Variants in LDLRAD4 observed in about 807,000 individuals in gnomAD.
The protein encoded by LDLRAD4 is low density lipoprotein receptor class A domain containing 4.
In LDLRAD4, 5 loss-of-function variants were observed where a neutral mutation model predicts 17.0. That is an observed-to-expected ratio of 0.29 (90% CI 0.15 to 0.62). The LOEUF (loss-of-function observed/expected upper bound fraction) is 0.62, where lower values mean the gene tolerates loss of function less well. Ranked by LOEUF, LDLRAD4 falls within the 20% of genes least tolerant of loss-of-function variation. LDLRAD4 has a pLI of 0.84. For synonymous variants in LDLRAD4, 168 were observed against 171.8 expected, an observed-to-expected ratio of 0.98 and a Z score of 0.17; for missense variants, 340 against 424.7, an observed-to-expected ratio of 0.80 and a Z score of 1.75.
chr18:13,620,911 C>G (rs1601758708), intron 3 of LDLRAD4: 1 of 664,226 alleles, frequency 1.5e-6, no homozygotes, highest in Admixed American at 2.6e-5. Flanking sequence ...TCCCGCTCCC[C>G]GCAGCTGGTT....
In LDLRAD4 at chr18:13,518,972, G is replaced by A. The variant is rs138785066; in HGVS notation, c.181+80588G>A. On this transcript the variant is annotated intron_variant, in intron 3 of 5. Coordinates refer to ENST00000359446, the Ensembl canonical transcript of LDLRAD4. ...GAGGATATAATTTTGTGAAGACTCA[G>A]CTTTCTTCAGCAGCAGTGTTCGTTG... 9.8e-5 allele frequency among the ~76,000 whole-genome samples: 15 copies of A among 152,326 alleles called. No homozygotes were observed. In the East Asian group the frequency reaches 2.9e-3, roughly 29 times the overall value.
At chr18:13,301,086 G>GT (rs111281176) in intron 1 of LDLRAD4, among the ~76,000 whole-genome samples, 1 of 151,924 alleles carries the variant, frequency 6.6e-6, no homozygotes, top group Non-Finnish European at 1.5e-5. Context: ...GTCCGTGGTT[G>GT]GGGGGGTACA....
intron 3 of LDLRAD4, among the ~76,000 whole-genome samples, chr18:13,580,347 C>T (rs1007904468): frequency 6.6e-6 from 1 of 152,222 alleles, no homozygotes; most frequent in African/African-American, 2.4e-5. Flanking sequence ...TGGCTTGTGA[C>T]CTTTTCGTCA....
chr18:13,229,122 G>A (rs1398968251), intron 1 of LDLRAD4, among the ~76,000 whole-genome samples: 1 of 152,252 alleles, frequency 6.6e-6, no homozygotes, highest in East Asian at 1.9e-4. Context: ...CGAGGAGGCA[G>A]CGTCCAGGCT....
intron 3 of LDLRAD4, among the ~76,000 whole-genome samples, chr18:13,556,423 T>C (rs2094484282): frequency 6.6e-6 from 1 of 152,210 alleles, no homozygotes; most frequent in Admixed American, 6.5e-5. Flanking sequence ...TAAGTCTCTT[T>C]AATTGTGTGA....
chr18:13,558,845 A>G (rs1344240345), intron 3 of LDLRAD4, among the ~76,000 whole-genome samples: 1 of 152,242 alleles, frequency 6.6e-6, no homozygotes, highest in Admixed American at 6.5e-5. Flanking sequence ...GGTGATCAAC[A>G]GTAAGCATTA....
chr18:13,568,403 C>G (rs6505828), intron 3 of LDLRAD4, among the ~76,000 whole-genome samples: 1 of 152,038 alleles, frequency 6.6e-6, no homozygotes. Flanking sequence ...CCCCACTCTC[C>G]CAGCACTTAG....
intron 3 of LDLRAD4, among the ~76,000 whole-genome samples, chr18:13,497,084 G>A (rs2093484404): frequency 6.6e-6 from 1 of 152,244 alleles, no homozygotes; most frequent in African/African-American, 2.4e-5. Context: ...CCAGCCTGCT[G>A]CCTGACTCAT....
intron 1 of LDLRAD4, among the ~76,000 whole-genome samples, chr18:13,248,204 G>A (rs975268618): frequency 3.9e-5 from 6 of 152,098 alleles, no homozygotes; most frequent in African/African-American, 9.7e-5. Flanking sequence ...CTCGTGATCC[G>A]CCTGCCTCGG....
At chr18:13,222,188 C>T (rs1446234827) in intron 1 of LDLRAD4, among the ~76,000 whole-genome samples, 2 of 152,098 alleles carry the variant, frequency 1.3e-5, no homozygotes, top group Non-Finnish European at 2.9e-5. Flanking sequence ...CAACGTCACT[C>T]CCCCCATCCA....
chr18:13,388,747 G>C (rs1164363265), intron 2 of LDLRAD4, among the ~76,000 whole-genome samples: 1 of 152,204 alleles, frequency 6.6e-6, no homozygotes, highest in Non-Finnish European at 1.5e-5. Flanking sequence ...CCGTGGCTTC[G>C]GCGTGAAGAG....
intron 3 of LDLRAD4, among the ~76,000 whole-genome samples, chr18:13,483,046 G>T (rs1785115): frequency 0.98 from 148,865 of 152,240 alleles, 72,881 homozygotes; most frequent in East Asian, 1. Context: ...AGGAAGCAAG[G>T]TGGAGAGAGG....
intron 4 of LDLRAD4, chr18:13,642,625 C>T: frequency 8.1e-7 from 1 of 1,230,804 alleles, no homozygotes; most frequent in Non-Finnish European, 1.0e-6. Context: ...ACTTGCGCCT[C>T]TGCTGGAGGC....
At chr18:13,224,000 C>T (rs1297538184) in intron 1 of LDLRAD4, among the ~76,000 whole-genome samples, 3 of 152,248 alleles carry the variant, frequency 2.0e-5, no homozygotes, top group South Asian at 4.1e-4. Context: ...TCTTCTTGTC[C>T]CCATACAGGT....
chr18:13,404,447 A>T (rs1420410723), intron 2 of LDLRAD4, among the ~76,000 whole-genome samples: 2 of 152,150 alleles, frequency 1.3e-5, no homozygotes, highest in Non-Finnish European at 2.9e-5. Flanking sequence ...GACACAGCCC[A>T]CTCACTGGGT....
chr18:13,470,265 T>C (rs2092731931), intron 3 of LDLRAD4, among the ~76,000 whole-genome samples: 1 of 152,158 alleles, frequency 6.6e-6, no homozygotes, highest in Admixed American at 6.5e-5. Flanking sequence ...CATATTTTCA[T>C]AGAGAAATAA....
At chr18:13,308,551 G>C (rs183424270) in intron 1 of LDLRAD4, among the ~76,000 whole-genome samples, 4 of 152,344 alleles carry the variant, frequency 2.6e-5, no homozygotes, top group Non-Finnish European at 5.9e-5. Flanking sequence ...GGTGGGCGAA[G>C]GTGCCTGTTC....
intron 3 of LDLRAD4, among the ~76,000 whole-genome samples, chr18:13,574,216 A>C (rs1223985935): frequency 6.6e-6 from 1 of 152,210 alleles, no homozygotes; most frequent in African/African-American, 2.4e-5. Context: ...GCCGTCTGCT[A>C]TTATTACCCA....
At chr18:13,552,706 T>A (rs2094447083) in intron 3 of LDLRAD4, among the ~76,000 whole-genome samples, 1 of 152,208 alleles carries the variant, frequency 6.6e-6, no homozygotes, top group Non-Finnish European at 1.5e-5. Context: ...CGACTTTAGA[T>A]GATGCTGTTC....
Sources: allele counts gnomAD v4.1 joint callset (sites outside exome capture counted in the v4.1 genomes callset), GRCh38; gene constraint gnomAD v4.1.1; transcripts MANE v1.5; gene names NCBI Gene and HGNC (gene_info 2026-07-23, HGNC 2026-07-21).